The following MCC variants were observed in gnomAD, a reference collection of about 807,000 sequenced individuals.
MCC encodes the protein colorectal mutant cancer protein.
Under a neutral mutation model 116.2 loss-of-function variants are expected in MCC, and 90 were observed. That is an observed-to-expected ratio of 0.77 (90% confidence interval 0.65 to 0.92). The LOEUF (loss-of-function observed/expected upper bound fraction) is 0.92. Among genes scored for constraint, MCC ranks in the 40% least tolerant of loss-of-function variants. MCC has a pLI of 0.00. For missense variants in MCC, 1,516 were observed against 1,312.2 expected (o/e 1.16, Z -2.40); for synonymous variants, 578 against 510.5 (o/e 1.13, Z -1.78).
chr5:113,258,932 G>C (rs1457727811), intron 3 of MCC, among the ~76,000 whole-genome samples: 1 of 152,130 alleles, frequency 6.6e-6, no homozygotes, highest in Non-Finnish European at 1.5e-5. Flanking sequence ...GGCTATACAA[G>C]AACAAGGTCT....
At chr5:113,236,821 G>C (rs942779723) in intron 3 of MCC, among the ~76,000 whole-genome samples, 2 of 152,184 alleles carry the variant, frequency 1.3e-5, no homozygotes, top group East Asian at 3.8e-4. Context: ...GGGGACGGGG[G>C]ACAGGCGGGG....
chr5:113,172,179 A>T (rs1484983126), intron 3 of MCC, among the ~76,000 whole-genome samples: 1 of 152,196 alleles, frequency 6.6e-6, no homozygotes, highest in Non-Finnish European at 1.5e-5. Context: ...CAGGCACCTG[A>T]CTTAATATTG....
chr5:113,187,018 T>A (rs925696836), intron 3 of MCC, among the ~76,000 whole-genome samples: 1 of 152,144 alleles, frequency 6.6e-6, no homozygotes, highest in Non-Finnish European at 1.5e-5. Flanking sequence ...AATCCTACTT[T>A]AGGAAAGTTT....
intron 3 of MCC, among the ~76,000 whole-genome samples, chr5:113,289,594 C>T (rs1021005053): frequency 3.3e-5 from 5 of 152,102 alleles, no homozygotes; most frequent in African/African-American, 4.8e-5. Flanking sequence ...TCCTCTTTCT[C>T]GGAACCCAGC....
At chr5:113,061,290 T>C (rs551601100) in intron 14 of MCC, among the ~76,000 whole-genome samples, 224 of 152,330 alleles carry the variant, frequency 1.5e-3, no homozygotes, top group African/African-American at 5.2e-3. Flanking sequence ...ACAGACTTGC[T>C]GTGGCCGATC....
chr5:113,216,523 GTC>G (rs1763322371), intron 3 of MCC, among the ~76,000 whole-genome samples: 1 of 152,188 alleles, frequency 6.6e-6, no homozygotes, highest in Non-Finnish European at 1.5e-5. Context: ...CAAGGCCCAT[GTC>G]TTACAGACAT....
intron 8 of MCC, 105 bp downstream of exon 8, chr5:113,101,634 T>C (rs900790828): frequency 1.6e-5 from 20 of 1,219,764 alleles, no homozygotes; most frequent in Non-Finnish European, 2.0e-5. Context: ...ATTCCCAAAA[T>C]TACAAATGCC....
In MCC at chr5:113,157,137, A is replaced by G. The variant is rs1034055682; in HGVS notation, c.628-5715T>C. ...TGATGAGAGCCCCTCCAGGAGTGTC[A>G]CTGCGTATTTCTGGTTATTAGGTGC... On this transcript the variant is annotated intron_variant, in intron 3 of 18. Coordinates refer to ENST00000408903, the MANE Select transcript of MCC (RefSeq NM_001085377.2). Among the ~76,000 whole-genome samples, 106 of 152,160 alleles carry G rather than the reference A, an allele frequency of 7.0e-4. 2 individuals carry two copies. The highest frequency in any genetic ancestry group is 6.9e-3 in the Admixed American group (105 of 15,272).
At chr5:113,328,149 A>G (rs1767612632) in intron 3 of MCC, among the ~76,000 whole-genome samples, 1 of 152,178 alleles carries the variant, frequency 6.6e-6, no homozygotes, top group Non-Finnish European at 1.5e-5. Flanking sequence ...TGACATAGTA[A>G]GTGTTAGATT....
At chr5:113,050,851 G>T (rs1047348716) in intron 15 of MCC, among the ~76,000 whole-genome samples, 1 of 152,234 alleles carries the variant, frequency 6.6e-6, no homozygotes. Context: ...CCACCCGGGG[G>T]CTTAACATTA....
chr5:113,116,638 G>A (rs1462050189), intron 6 of MCC, among the ~76,000 whole-genome samples: 3 of 152,180 alleles, frequency 2.0e-5, no homozygotes, highest in Non-Finnish European at 4.4e-5. Flanking sequence ...GGACTGAAAA[G>A]TTATGGAACA....
Position 113,488,434 on chromosome 5 carries a change from G to A in MCC, c.-20C>T. The A allele has an allele frequency of 7.1e-7, 1 of 1,400,216 alleles. No individual in the cohort carries two copies. Among genetic ancestry groups the A allele is most frequent in the African/African-American group, 1.5e-5 (1 of 66,540 alleles). The allele number at this position is 1,400,216 out of a possible 1,614,324, so 86.7% of individuals were successfully genotyped here. On this transcript the variant is annotated 5_prime_UTR_variant, in exon 1 of 19. Coordinates refer to ENST00000408903, the MANE Select transcript of MCC (RefSeq NM_001085377.2). ...CATCATGCGCCCGCTCCCTACTTGG[G>A]AGGAGGAGTACGCGCGACCGCAGCT...
At chr5:113,310,550 AACT>A (rs1441812297) in intron 3 of MCC, among the ~76,000 whole-genome samples, 1 of 152,208 alleles carries the variant, frequency 6.6e-6, no homozygotes, top group African/African-American at 2.4e-5. Context: ...AACTAATGAA[AACT>A]ACTTATTTTT....
chr5:113,389,104 T>C (rs1196674152), intron 1 of MCC, among the ~76,000 whole-genome samples: 1 of 152,220 alleles, frequency 6.6e-6, no homozygotes, highest in East Asian at 1.9e-4. Flanking sequence ...AAAGTTACAT[T>C]TTGTTACCAA....
At chr5:113,102,448 G>A (rs928617289) in intron 7 of MCC, among the ~76,000 whole-genome samples, 1 of 152,172 alleles carries the variant, frequency 6.6e-6, no homozygotes, top group African/African-American at 2.4e-5. Context: ...AGCTTTTAGT[G>A]CCACATCCAA....
At chr5:113,384,596 C>CA (rs991729438) in intron 2 of MCC, among the ~76,000 whole-genome samples, 1 of 152,030 alleles carries the variant, frequency 6.6e-6, no homozygotes, top group Non-Finnish European at 1.5e-5. Context: ...CCCCGCCCCC[C>CA]AAAAAAATTG....
chr5:113,102,470 G>A (rs1235846364), intron 7 of MCC, among the ~76,000 whole-genome samples: 1 of 152,232 alleles, frequency 6.6e-6, no homozygotes, highest in Non-Finnish European at 1.5e-5. Context: ...TTCAGATGGT[G>A]CAAATGAGGT....
At chr5:113,432,320 C>CAAAAAAAAAAA (rs66577040) in intron 1 of MCC, among the ~76,000 whole-genome samples, 1 of 68,612 alleles carries the variant, frequency 1.5e-5, no homozygotes, top group Non-Finnish European at 2.9e-5. Flanking sequence ...GACTCTGTCT[C>CAAAAAAAAAAA]AAAAAAAAAA....
At chr5:113,323,875 C>A (rs565042671) in intron 3 of MCC, among the ~76,000 whole-genome samples, 1 of 152,292 alleles carries the variant, frequency 6.6e-6, no homozygotes, top group East Asian at 1.9e-4. Flanking sequence ...CCATCCTGGG[C>A]ACCATATCGA....
Sources: allele counts gnomAD v4.1 joint callset (sites outside exome capture counted in the v4.1 genomes callset), GRCh38; gene constraint gnomAD v4.1.1; transcripts MANE v1.5; gene names NCBI Gene and HGNC (gene_info 2026-07-23, HGNC 2026-07-21).